IPO9: variants seen among roughly 807,000 people sequenced by gnomAD.
IPO9 encodes importin 9.
In IPO9, 28 loss-of-function variants were observed where a neutral mutation model predicts 128.6. That is an observed-to-expected ratio of 0.22 (90% confidence interval 0.16 to 0.30). IPO9 has a LOEUF of 0.30. Ranked by LOEUF, IPO9 falls within the 10% of genes least tolerant of loss-of-function variation. The pLI is 1.00. For missense variants in IPO9, 935 were observed against 1,293.9 expected (o/e 0.72, Z 4.26); for synonymous variants, 455 against 475.8 (o/e 0.96, Z 0.57).
At chr1:201,848,195 G>C (rs994648040) in intron 3 of IPO9, among the ~76,000 whole-genome samples, 198 bp from the exon 4 acceptor site, 10 of 152,166 alleles carry the variant, frequency 6.6e-5, no homozygotes, top group African/African-American at 2.2e-4. Flanking sequence ...ATAGCTAGTG[G>C]CTACTGTAAT....
chr1:201,831,942 C>A (rs1381629417), intron 1 of IPO9, among the ~76,000 whole-genome samples: 2 of 152,000 alleles, frequency 1.3e-5, no homozygotes, highest in African/African-American at 4.8e-5. Flanking sequence ...CAGTCTGTCG[C>A]CCAGGCTGGA....
At chr1:201,869,401 A>G (rs898049089) in intron 16 of IPO9, among the ~76,000 whole-genome samples, 189 bp from the exon 17 acceptor site, 2 of 152,216 alleles carry the variant, frequency 1.3e-5, no homozygotes, top group African/African-American at 4.8e-5. Context: ...TGGCTAATCA[A>G]TTAGTAAGCT....
At position 201,870,508 on chromosome 1, in the gene IPO9, T is replaced by C; in HGVS notation, c.2134-75T>C. ...TGAGGCATAGGCCTCTGGGAACATTTGTTTATACAGACTGAGGGCCTTCTG... is the reference window on the plus strand; with the variant it reads ...TGAGGCATAGGCCTCTGGGAACATTCGTTTATACAGACTGAGGGCCTTCTG... On this transcript the variant is annotated intron_variant, in intron 17 of 23. Coordinates refer to ENST00000361565, the MANE Select transcript of IPO9 (RefSeq NM_018085.5). The surrounding 1 kb of genome is among the most constrained non-coding windows in gnomAD (Gnocchi z 4.9). 1 of 1,517,454 alleles carries C rather than the reference T, an allele frequency of 6.6e-7. No individual in the cohort carries two copies. The highest frequency in any genetic ancestry group is 8.9e-7 in the Non-Finnish European group (1 of 1,126,082). 94.0% of individuals were successfully genotyped at this position (1,517,454 alleles called of 1,614,324 possible). A position where few individuals can be genotyped will look rare whatever the true frequency, so the allele number is the denominator to read the frequency against.
intron 15 of IPO9, 124 bp from the exon 16 acceptor site, chr1:201,868,524 A>G (rs1460303330): frequency 1.0e-5 from 10 of 960,860 alleles, no homozygotes; most frequent in Non-Finnish European, 1.2e-5. Flanking sequence ...GGTCCCGGGT[A>G]TGTGATAAGT....
chr1:201,852,221 T>G (rs372824083), intron 5 of IPO9, 29 bp downstream of exon 5: 1 of 1,441,534 alleles, frequency 6.9e-7, no homozygotes. Context: ...AAGATTATAG[T>G]GAGTTCAGGC....
At chr1:201,855,973 G>C (rs1442404161) in intron 10 of IPO9, 39 bp downstream of exon 10, 9 of 1,502,978 alleles carry the variant, frequency 6.0e-6, no homozygotes, top group Non-Finnish European at 8.1e-6. Context: ...TCTTGTATTT[G>C]GAAAGTGCAA....
At chr1:201,875,674 T>G (rs551929849) in intron 23 of IPO9, among the ~76,000 whole-genome samples, 2 of 152,282 alleles carry the variant, frequency 1.3e-5, no homozygotes. Context: ...TCCAGGGTTT[T>G]GGGTGGGCTG....
intron 13 of IPO9, 111 bp from the exon 14 acceptor site, chr1:201,863,337 G>A (rs765093654): frequency 2.7e-6 from 3 of 1,092,498 alleles, no homozygotes; most frequent in East Asian, 5.0e-5. Context: ...GGGTGACAGA[G>A]TGAGACTCCA....
chr1:201,852,212 A>G lies in IPO9; in HGVS notation c.603+20A>G, dbSNP rs142862315. Reference sequence around the variant, plus strand: ...GCTGAGGTATGAAATCTCAGCTCCAAGATTATAGTGAGTTCAGGCTCTCTT... The same window carrying G: ...GCTGAGGTATGAAATCTCAGCTCCAGGATTATAGTGAGTTCAGGCTCTCTT... On this transcript the variant is annotated intron_variant, in intron 5 of 23. Transcript: ENST00000361565. 1,811 of 1,510,228 alleles carry G rather than the reference A, an allele frequency of 1.2e-3. 2 individuals carry two copies. The highest frequency in any genetic ancestry group is 1.5e-3 in the Non-Finnish European group (1,640 of 1,086,086). The allele number at this position is 1,510,228 out of a possible 1,614,324, so 93.6% of individuals were successfully genotyped here.
intron 8 of IPO9, 81 bp from the exon 9 acceptor site, chr1:201,855,043 T>A (rs1680303658): frequency 7.7e-7 from 1 of 1,296,704 alleles, no homozygotes; most frequent in African/African-American, 1.5e-5. Flanking sequence ...TGTCTACTTT[T>A]AGTGTTGGAA....
At chr1:201,861,522 C>T (rs886194781) in intron 13 of IPO9, among the ~76,000 whole-genome samples, 9 of 152,178 alleles carry the variant, frequency 5.9e-5, no homozygotes, top group Non-Finnish European at 1.2e-4. Flanking sequence ...AAGGTAGGCC[C>T]GGCTAAGCTG....
intron 1 of IPO9, among the ~76,000 whole-genome samples, chr1:201,842,505 C>T (rs1214060999): frequency 6.6e-6 from 1 of 152,112 alleles, no homozygotes; most frequent in East Asian, 1.9e-4. Context: ...GTGACCAGCC[C>T]CCATCCTGAA....
chr1:201,875,025 G>A (rs1680735467), intron 22 of IPO9, 89 bp downstream of exon 22: 1 of 1,346,082 alleles, frequency 7.4e-7, no homozygotes, highest in East Asian at 2.3e-5. Context: ...AAGGGGAGAG[G>A]TGGGCCCACA....
At chr1:201,830,400 G>C (rs896228211) in intron 1 of IPO9, among the ~76,000 whole-genome samples, 2 of 152,156 alleles carry the variant, frequency 1.3e-5, no homozygotes, top group Non-Finnish European at 2.9e-5. Flanking sequence ...AAAGAATTTA[G>C]AACAAATCTC....
At chr1:201,857,506 C>G (rs952473508) in intron 11 of IPO9, among the ~76,000 whole-genome samples, 1 of 152,040 alleles carries the variant, frequency 6.6e-6, no homozygotes, top group Non-Finnish European at 1.5e-5. Flanking sequence ...AAGAACATTT[C>G]AGTTTATGGC....
In IPO9 at chr1:201,858,773, C is replaced by T. The variant is rs1427163856; in HGVS notation, c.1329-82C>T. ...TTGGAAGAGATTGTGCTGGAGTGCC[C>T]TTTTCTGAATCTTGTTTCCTCAAAT... On this transcript the variant is annotated intron_variant, in intron 12 of 23. Transcript: ENST00000361565. 9 of 1,458,596 alleles carry T rather than the reference C, an allele frequency of 6.2e-6. No individual in the cohort carries two copies. The East Asian group carries it at 1.2e-4, about 19-fold the overall frequency. The allele number at this position is 1,458,596 out of a possible 1,614,324, so 90.4% of individuals were successfully genotyped here.
At chr1:201,833,536 G>A (rs1679875777) in intron 1 of IPO9, among the ~76,000 whole-genome samples, 1 of 152,150 alleles carries the variant, frequency 6.6e-6, no homozygotes, top group Non-Finnish European at 1.5e-5. Flanking sequence ...ACTGCGCCTG[G>A]CTGGAATGAT....
Position 201,858,477 on chromosome 1 carries a change from GCAGCAGCCCT to G in IPO9, c.1253_1262del (p.Ala418GlyfsTer34). The G allele has an allele frequency of 6.3e-7, 1 of 1,581,082 alleles. No individual in the cohort carries two copies. The highest frequency in any genetic ancestry group is 8.6e-7 in the Non-Finnish European group (1 of 1,166,802). On this transcript the variant is annotated frameshift_variant, in exon 12 of 24. Coordinates refer to ENST00000361565, the MANE Select transcript of IPO9 (RefSeq NM_018085.5). LOFTEE classifies it high-confidence loss of function. ...GGCCACAGATTTCCAGAATGAAAGT[GCAGCAGCCCT>G]GGCTGCTGCAGCCACTCGACATTTA...
rs528791706 is a variant in IPO9 at position 201,851,673 on chromosome 1, T to C, written c.515-431T>C. 3.3e-4 allele frequency among the ~76,000 whole-genome samples: 50 copies of C among 152,274 alleles called. No homozygotes were observed. The South Asian group carries it at 6.8e-3, about 21-fold the overall frequency. ...TTGAGGCCTAGTAAGTCTGTACATATTTTATTACATGCATCAAACCAGCTT... is the reference window on the plus strand; with the variant it reads ...TTGAGGCCTAGTAAGTCTGTACATACTTTATTACATGCATCAAACCAGCTT... On this transcript the variant is annotated intron_variant, in intron 4 of 23. Transcript: ENST00000361565.
Sources: gnomAD v4.1 joint callset for allele counts (sites outside exome capture counted in the v4.1 genomes callset) on GRCh38, gnomAD v4.1.1 for gene constraint, Gnocchi (gnomAD v3.1) non-coding constraint, MANE v1.5 for transcripts, NCBI Gene and HGNC (gene_info 2026-07-23, HGNC 2026-07-21) for gene names.